AKAP13: variants seen among roughly 807,000 people sequenced by gnomAD.
The protein encoded by AKAP13 is A-kinase anchoring protein 13.
Under a neutral mutation model 264.5 loss-of-function variants are expected in AKAP13, and 80 were observed. The observed-to-expected ratio is 0.30, with a 90% CI of 0.25 to 0.36. AKAP13 has a LOEUF of 0.36. AKAP13 is among the 10% of genes least tolerant of loss of function. The pLI is 1.00. For missense variants in AKAP13, 3,712 were observed against 3,435.2 expected, an observed-to-expected ratio of 1.08 and a Z score of -2.01; for synonymous variants, 1,380 against 1,250.2, an observed-to-expected ratio of 1.10 and a Z score of -2.19.
At chr15:85,605,423 G>A (rs2080279563) in intron 8 of AKAP13, among the ~76,000 whole-genome samples, 1 of 152,162 alleles carries the variant, frequency 6.6e-6, no homozygotes, top group South Asian at 2.1e-4. Flanking sequence ...GCTGAACAAT[G>A]AGAACATGTG....
rs975925162 is a variant in AKAP13 at position 85,654,929 on chromosome 15, C to T, written c.4375-488C>T. Among the ~76,000 whole-genome samples the T allele has an allele frequency of 4.6e-5, 7 of 151,950 alleles. No individual in the cohort carries two copies. The East Asian group carries it at 7.7e-4, about 17-fold the overall frequency. On this transcript the variant is annotated intron_variant, in intron 10 of 36. Transcript: ENST00000394518. The stretch of plus-strand genomic sequence containing the variant: ...GACCTAGGCCAGGCGCAGTGGCTCA[C>T]GCCTGTAATCCCACCATTTTGGGAG...
chr15:85,386,718 A>AC lies in AKAP13; in HGVS notation c.-12+5921dup, dbSNP rs1246748642. On this transcript the variant is annotated intron_variant, in intron 1 of 36. Coordinates refer to ENST00000394518, the MANE Select transcript of AKAP13 (RefSeq NM_007200.5). ...GGATGGATTTACAATTTTTCCAGCA[A>AC]CAGTTTTTGAAAAGACTGTCCTTTC... 6.0e-5 allele frequency among the ~76,000 whole-genome samples: 9 copies of AC among 150,386 alleles called. 1 individual carries two copies. Among genetic ancestry groups the AC allele is most frequent in the Non-Finnish European group, 4.4e-5 (3 of 67,716 alleles).
chr15:85,693,235 C>A, intron 16 of AKAP13, 42 bp from the exon 17 acceptor site: 3 of 1,537,364 alleles, frequency 2.0e-6, no homozygotes, highest in Non-Finnish European at 2.6e-6. Context: ...GAAAGCCCTC[C>A]AGTGTTCAAT....
chr15:85,603,023 T>C (rs2080161978), intron 8 of AKAP13, among the ~76,000 whole-genome samples: 2 of 152,244 alleles, frequency 1.3e-5, no homozygotes, highest in Admixed American at 1.3e-4. Context: ...AGAATTTTCA[T>C]TTTCATTTGA....
intron 5 of AKAP13, among the ~76,000 whole-genome samples, chr15:85,557,422 A>G (rs528250377): frequency 1.3e-5 from 2 of 152,312 alleles, no homozygotes; most frequent in African/African-American, 4.8e-5. Context: ...ATTCAGGGAA[A>G]TCATTTCAAC....
At chr15:85,730,244 CAG>C (rs761397701) in intron 29 of AKAP13, among the ~76,000 whole-genome samples, 4 of 152,174 alleles carry the variant, frequency 2.6e-5, no homozygotes, top group East Asian at 1.9e-4. Context: ...GAGAAGTAAA[CAG>C]GGGACACGGG....
At chr15:85,544,909 T>G (rs1007473154) in intron 5 of AKAP13, among the ~76,000 whole-genome samples, 2 of 152,232 alleles carry the variant, frequency 1.3e-5, no homozygotes, top group African/African-American at 4.8e-5. Flanking sequence ...GCTTTATGTT[T>G]TACCATTTTT....
chr15:85,589,878 A>G (rs2079518664), intron 8 of AKAP13, among the ~76,000 whole-genome samples: 1 of 152,108 alleles, frequency 6.6e-6, no homozygotes, highest in Non-Finnish European at 1.5e-5. Flanking sequence ...TTGTGGTGAA[A>G]CCTCTGGTTT....
chr15:85,581,225 G>C lies in AKAP13; in HGVS notation c.3157G>C (p.Gly1053Arg), dbSNP rs2079137849. 2 of 1,614,140 alleles carry C rather than the reference G, an allele frequency of 1.2e-6. No individual in the cohort carries two copies. The highest frequency in any genetic ancestry group is 2.7e-5 in the African/African-American group (2 of 75,040). The change falls in exon 7 of 37, where the codon GGG (glycine) becomes CGG (arginine). Residue 1053 changes from glycine (G) to arginine (R), a missense_variant. Coordinates refer to ENST00000394518, the MANE Select transcript of AKAP13 (RefSeq NM_007200.5). ...ATGTCTGTTGCCAGATGGGTCTGAT[G>C]GGTCCGATGCTCTTAACTGCAGTCA... The part of the protein sequence containing the change: ...LPCLLPDGSD[G>R]SDALNCSQPS...
intron 4 of AKAP13, among the ~76,000 whole-genome samples, chr15:85,538,096 G>T (rs2077461000): frequency 6.6e-6 from 1 of 152,142 alleles, no homozygotes; most frequent in Non-Finnish European, 1.5e-5. Flanking sequence ...CAGCTCGGTG[G>T]TTAGTGAAAA....
chr15:85,392,131 G>A (rs1185927960), intron 1 of AKAP13, among the ~76,000 whole-genome samples: 2 of 151,424 alleles, frequency 1.3e-5, no homozygotes, highest in Non-Finnish European at 2.9e-5. Flanking sequence ...TTGAGGTTGG[G>A]CTCAGTTGGT....
At chr15:85,709,325 CA>C (rs2086496038) in intron 18 of AKAP13, among the ~76,000 whole-genome samples, 1 of 152,132 alleles carries the variant, frequency 6.6e-6, no homozygotes, top group African/African-American at 2.4e-5. Flanking sequence ...ATCTTCCCCC[CA>C]CTAGAATATA....
chr15:85,662,600 T>TA, intron 12 of AKAP13: 1 of 873,668 alleles, frequency 1.1e-6, no homozygotes, highest in African/African-American at 1.6e-5. Flanking sequence ...TTGCCTTTGC[T>TA]ATGGGTGTCA....
chr15:85,632,121 A>G (rs2081862045), intron 8 of AKAP13, among the ~76,000 whole-genome samples: 1 of 152,206 alleles, frequency 6.6e-6, no homozygotes, highest in Non-Finnish European at 1.5e-5. Flanking sequence ...CAAGCTGGCA[A>G]GTTAACTTAC....
intron 12 of AKAP13, among the ~76,000 whole-genome samples, chr15:85,663,100 A>G (rs2083434750): frequency 6.6e-6 from 1 of 152,176 alleles, no homozygotes; most frequent in African/African-American, 2.4e-5. Context: ...ACCTGAGGTC[A>G]GGCATTGGAG....
intron 1 of AKAP13, chr15:85,415,193 C>G: frequency 7.4e-7 from 1 of 1,350,688 alleles, no homozygotes; most frequent in Non-Finnish European, 1.0e-6. Context: ...CCGACGCAGA[C>G]CCCGCTCTGC....
At chr15:85,683,740 A>T (rs7168161) in intron 15 of AKAP13, 20,845 of 152,242 alleles carry the variant, frequency 0.14, 1,868 homozygotes, top group African/African-American at 0.23. Flanking sequence ...AAGTGCTGGG[A>T]TTACAGGTGT....
intron 10 of AKAP13, among the ~76,000 whole-genome samples, chr15:85,653,410 C>G (rs1009571443): frequency 2.0e-5 from 3 of 152,174 alleles, no homozygotes; most frequent in Non-Finnish European, 4.4e-5. Context: ...CAGTGATCCC[C>G]TTGCATCTTT....
chr15:85,469,254 T>C (rs1023053503), intron 1 of AKAP13, among the ~76,000 whole-genome samples: 12 of 151,700 alleles, frequency 7.9e-5, no homozygotes, highest in Admixed American at 2.6e-4. Context: ...AGAGATGTCA[T>C]GTGCGGATAT....
Sources: gnomAD v4.1 joint callset for allele counts (sites outside exome capture counted in the v4.1 genomes callset) on GRCh38, gnomAD v4.1.1 for gene constraint, MANE v1.5 for transcripts, NCBI Gene and HGNC (gene_info 2026-07-23, HGNC 2026-07-21) for gene names.